The following SMC1B variants were observed in gnomAD, a reference collection of about 807,000 sequenced individuals.
SMC1B encodes the protein structural maintenance of chromosomes protein 1B.
Under a neutral mutation model 157.9 loss-of-function variants are expected in SMC1B, and 60 were observed. The ratio of observed to expected loss-of-function variants is 0.38; its 90% CI spans 0.31 to 0.47. SMC1B has a LOEUF of 0.47. Ranked by LOEUF, SMC1B falls within the 20% of genes least tolerant of loss-of-function variation. The probability of loss-of-function intolerance (pLI) is 0.99; values close to 1 mark genes in which losing one functional copy is unlikely to be tolerated. For synonymous variants in SMC1B, 445 were observed against 483.0 expected, an observed-to-expected ratio of 0.92 and a Z score of 1.03; for missense variants, 1,165 against 1,426.2, an observed-to-expected ratio of 0.82 and a Z score of 2.95.
chr22:45,395,904 T>C (rs2087118141), intron 7 of SMC1B, among the ~76,000 whole-genome samples: 1 of 152,162 alleles, frequency 6.6e-6, no homozygotes, highest in Admixed American at 6.5e-5. Context: ...TTTTGGCTTT[T>C]TTAGGAGCTG....
At chr22:45,377,309 T>G (rs928454291) in intron 12 of SMC1B, among the ~76,000 whole-genome samples, 2 of 152,194 alleles carry the variant, frequency 1.3e-5, no homozygotes, top group African/African-American at 2.4e-5. Context: ...CTTTTCTATT[T>G]TCATTTGTTT....
At chr22:45,392,741 C>T (rs1172299558) in intron 9 of SMC1B, among the ~76,000 whole-genome samples, 2 of 152,014 alleles carry the variant, frequency 1.3e-5, no homozygotes, top group Non-Finnish European at 2.9e-5. Context: ...CACTCTGTGG[C>T]CTAGGCTGGA....
chr22:45,368,195 A>C (rs2086793908), intron 15 of SMC1B, among the ~76,000 whole-genome samples: 1 of 152,184 alleles, frequency 6.6e-6, no homozygotes, highest in South Asian at 2.1e-4. Flanking sequence ...ATATTCAACC[A>C]AGAATAAATG....
intron 24 of SMC1B, 136 bp from the exon 25 acceptor site, chr22:45,344,793 G>T: frequency 1.9e-6 from 1 of 539,234 alleles, no homozygotes; most frequent in South Asian, 2.7e-5. Context: ...CATTTATATT[G>T]GTTGTGGGTT....
At chr22:45,368,090 G>A (rs1482749194) in intron 15 of SMC1B, among the ~76,000 whole-genome samples, 1 of 152,044 alleles carries the variant, frequency 6.6e-6, no homozygotes, top group Non-Finnish European at 1.5e-5. Context: ...TCTAATTTCT[G>A]ACATTACTAG....
chr22:45,360,073 G>T (rs557636660), intron 17 of SMC1B, 115 bp from the exon 18 acceptor site: 7 of 757,858 alleles, frequency 9.2e-6, no homozygotes, highest in Non-Finnish European at 1.5e-5. Context: ...TCCTGTGAGT[G>T]CTGTAAGTTC....
intron 19 of SMC1B, among the ~76,000 whole-genome samples, chr22:45,356,376 C>A (rs1474087924): frequency 6.6e-6 from 1 of 152,300 alleles, no homozygotes; most frequent in East Asian, 1.9e-4. Flanking sequence ...GTAGGTAAAA[C>A]CTTTCTTCAA....
At position 45,395,339 on chromosome 22, in the gene SMC1B, G is replaced by T. The variant is rs1602088257; in HGVS notation, c.1255-572C>A. Among the ~76,000 whole-genome samples, 7 of 152,224 alleles carry T rather than the reference G, an allele frequency of 4.6e-5. 1 individual carries two copies. Among genetic ancestry groups the T allele is most frequent in the Admixed American group, 4.6e-4 (7 of 15,290 alleles). ...ATTCACTTTATCATTAAATCCAACTGGAGACTACCACAAGTCTTCTCCATC... is the reference window on the plus strand; with the variant it reads ...ATTCACTTTATCATTAAATCCAACTTGAGACTACCACAAGTCTTCTCCATC... On this transcript the variant is annotated intron_variant, in intron 7 of 24. Coordinates refer to ENST00000357450, the MANE Select transcript of SMC1B (RefSeq NM_148674.5).
At chr22:45,399,962 G>T (rs961985328) in intron 5 of SMC1B, among the ~76,000 whole-genome samples, 1 of 152,196 alleles carries the variant, frequency 6.6e-6, no homozygotes, top group Non-Finnish European at 1.5e-5. Flanking sequence ...TTGTTGAAGT[G>T]GGAGGTTACA....
intron 1 of SMC1B, among the ~76,000 whole-genome samples, chr22:45,409,286 G>T (rs1055112093): frequency 1.1e-4 from 17 of 152,194 alleles, no homozygotes; most frequent in African/African-American, 4.1e-4. Flanking sequence ...GGCTAAGGCT[G>T]GACGCGGTGG....
intron 5 of SMC1B, 39 bp from the exon 6 acceptor site, chr22:45,399,392 T>C: frequency 6.5e-7 from 1 of 1,541,792 alleles, no homozygotes; most frequent in Non-Finnish European, 8.7e-7. Flanking sequence ...GAAAATTTCA[T>C]TTCTTTAATA....
chr22:45,362,010 G>T lies in SMC1B; in HGVS notation c.2563-26C>A, dbSNP rs758263677. On this transcript the variant is annotated intron_variant, in intron 16 of 24. Coordinates refer to ENST00000357450, the MANE Select transcript of SMC1B (RefSeq NM_148674.5). ...CTGAACAGAGAGGATCTGCATTGTA[G>T]ATTTACTATCTTTTATATTAATAAG... 3.1e-6 allele frequency: 5 copies of T among 1,595,828 alleles called. No homozygotes were observed. In the East Asian group the frequency reaches 9.0e-5, roughly 29 times the overall value.
chr22:45,393,570 A>G, intron 9 of SMC1B, 64 bp downstream of exon 9: 1 of 1,164,798 alleles, frequency 8.6e-7, no homozygotes, highest in East Asian at 2.3e-5. Flanking sequence ...ATGAGAAGAT[A>G]CTGTTGAAAG....
In SMC1B at chr22:45,408,741, G is replaced by C; in HGVS notation, c.267C>G (p.Gly89=). 6.3e-7 allele frequency: 1 copy of C among 1,595,762 alleles called. No individual in the cohort carries two copies. Among genetic ancestry groups the C allele is most frequent in the Non-Finnish European group, 8.5e-7 (1 of 1,174,012 alleles). The change falls in exon 2 of 25, where the codon GGC becomes GGG. Residue 89 remains glycine, a synonymous_variant. Transcript: ENST00000357450. ...TAATCCTTGCAAATGTTTTCTCTTC[G>C]CCACTTTCCTCCACATATATAATTT... ...SVKIIYVEES[G]EEKTFARIIR...
At chr22:45,411,560 G>A (rs2087333856) in intron 1 of SMC1B, among the ~76,000 whole-genome samples, 1 of 152,038 alleles carries the variant, frequency 6.6e-6, no homozygotes, top group Non-Finnish European at 1.5e-5. Flanking sequence ...ACCACTGAAC[G>A]GTGCATTTTA....
Position 45,371,536 on chromosome 22 carries a change from T to C in SMC1B, c.2248A>G (p.Met750Val). Reference protein sequence around the residue: ...ELLNIESQCIMLSEGIKERQR... With the variant: ...ELLNIESQCIVLSEGIKERQR... ...CGTTCCTTGATTCCTTCACTCAACA[T>C]AATACATTGAGACTCAATATTTAGT... is the stretch of plus-strand genomic sequence containing the variant. Residue 750 changes from methionine (M) to valine (V), a missense_variant, in exon 14 of 25, where the codon ATG becomes GTG. By Grantham distance (21) the Met-to-Val change is conservative. Coordinates refer to ENST00000357450, the MANE Select transcript of SMC1B (RefSeq NM_148674.5). 6.3e-7 allele frequency: 1 copy of C among 1,598,754 alleles called. No homozygotes were observed. Among genetic ancestry groups the C allele is most frequent in the South Asian group, 1.2e-5 (1 of 86,846 alleles).
intron 12 of SMC1B, among the ~76,000 whole-genome samples, chr22:45,382,891 T>C (rs566781409): frequency 2.6e-5 from 4 of 152,188 alleles, no homozygotes; most frequent in Non-Finnish European, 4.4e-5. Flanking sequence ...CCCAGCACTT[T>C]GGGAGGCCAA....
chr22:45,350,784 A>C (rs1290333589), intron 22 of SMC1B, among the ~76,000 whole-genome samples: 2 of 152,004 alleles, frequency 1.3e-5, no homozygotes, highest in Admixed American at 6.6e-5. Flanking sequence ...TCCCCTTCAC[A>C]TCACTTCCTT....
intron 9 of SMC1B, among the ~76,000 whole-genome samples, chr22:45,392,350 T>C (rs2087069657): frequency 1.3e-5 from 2 of 152,144 alleles, no homozygotes; most frequent in South Asian, 4.1e-4. Flanking sequence ...AATTAGTCAA[T>C]TTATCAGTTC....
Sources: gnomAD v4.1 joint callset for allele counts (sites outside exome capture counted in the v4.1 genomes callset) on GRCh38, gnomAD v4.1.1 for gene constraint, MANE v1.5 for transcripts, NCBI Gene and HGNC (gene_info 2026-07-23, HGNC 2026-07-21) for gene names.